FOXO3: variants seen among roughly 807,000 people sequenced by gnomAD.
FOXO3 encodes the protein forkhead box protein O3.
Under a neutral mutation model 41.9 loss-of-function variants are expected in FOXO3, and 4 were observed. That is an observed-to-expected ratio of 0.10 (90% CI 0.05 to 0.22). FOXO3 has a LOEUF of 0.22. Ranked by LOEUF, FOXO3 falls within the 10% of genes least tolerant of loss-of-function variation. The pLI, the probability that FOXO3 is intolerant of heterozygous loss-of-function variation, is 1.00. For missense variants in FOXO3, 534 were observed against 906.8 expected (o/e 0.59, Z 5.28); for synonymous variants, 318 against 389.3 (o/e 0.82, Z 2.16).
intron 1 of FOXO3, among the ~76,000 whole-genome samples, chr6:108,597,665 A>G (rs1438554208): frequency 6.6e-6 from 1 of 152,152 alleles, no homozygotes; most frequent in Non-Finnish European, 1.5e-5. Context: ...CCATGTTTTA[A>G]TATGTTTCAA....
Position 108,663,998 on chromosome 6 carries a change from G to T in FOXO3, c.1165G>T (p.Asp389Tyr). 6.2e-7 allele frequency: 1 copy of T among 1,614,114 alleles called. No homozygotes were observed. Among genetic ancestry groups the T allele is most frequent in the Non-Finnish European group, 8.5e-7 (1 of 1,180,006 alleles). ...TGGGCTGACTGAAAACCTCATGGAC[G>T]ACCTGCTGGATAACATCACGCTCCC... ...NDGLTENLMDDLLDNITLPPS... is the reference protein window; with the variant it reads ...NDGLTENLMDYLLDNITLPPS... The change falls in exon 2 of 3, where the codon GAC (aspartate) becomes TAC (tyrosine). Residue 389 changes from aspartate to tyrosine, a missense_variant. Physicochemically the swap from Asp to Tyr is radical, Grantham distance 160 (BLOSUM62 -3). Around this residue, in one of 8 missense-constraint regions of FOXO3, gnomAD observed 185 missense variants for 224.9 expected, o/e 0.82. Transcript: ENST00000406360.
In FOXO3 at chr6:108,591,250, C is replaced by T. The variant is rs1265456364; in HGVS notation, c.621+29421C>T. On this transcript the variant is annotated intron_variant, in intron 1 of 2. Coordinates refer to ENST00000406360, the MANE Select transcript of FOXO3 (RefSeq NM_001455.4). Reference sequence around the variant, plus strand: ...TGAGAATAACCAGGCCTGTTGTAGACAGCCAGCCATCCTGAAACTACTAGG... The same window carrying T: ...TGAGAATAACCAGGCCTGTTGTAGATAGCCAGCCATCCTGAAACTACTAGG... Among the ~76,000 whole-genome samples the T allele has an allele frequency of 3.3e-5, 5 of 152,346 alleles. No homozygotes were observed. In the East Asian group the frequency reaches 7.7e-4, roughly 23 times the overall value.
At chr6:108,579,994 T>C (rs1223134572) in intron 1 of FOXO3, among the ~76,000 whole-genome samples, 1 of 152,080 alleles carries the variant, frequency 6.6e-6, no homozygotes, top group Non-Finnish European at 1.5e-5. Context: ...TCTTAATTCC[T>C]CCCTGCCCAA....
At chr6:108,575,906 A>G (rs1355015882) in intron 1 of FOXO3, among the ~76,000 whole-genome samples, 1 of 152,228 alleles carries the variant, frequency 6.6e-6, no homozygotes, top group African/African-American at 2.4e-5. Flanking sequence ...CTTTAAAATA[A>G]TAATGATCAC....
At chr6:108,610,755 C>A (rs966450786) in intron 1 of FOXO3, among the ~76,000 whole-genome samples, 7 of 152,160 alleles carry the variant, frequency 4.6e-5, no homozygotes, top group Admixed American at 4.6e-4. Flanking sequence ...TTCCTATAAT[C>A]CTGCTGTTTT....
At position 108,681,221 on chromosome 6, in the gene FOXO3, C is replaced by T. The variant is rs1436859988; in HGVS notation, c.*1429C>T. ...TACATAAGAAATTGGTATAACGATG[C>T]TCTGATTAGCACAGTATATGCATAC... On this transcript the variant is annotated 3_prime_UTR_variant, in exon 3 of 3. Transcript: ENST00000406360. The T allele has an allele frequency of 6.6e-6, 1 of 152,612 alleles. No individual in the cohort carries two copies. Among genetic ancestry groups the T allele is most frequent in the Non-Finnish European group, 1.5e-5 (1 of 68,038 alleles). 9.5% of individuals were successfully genotyped at this position (152,612 alleles called of 1,614,324 possible).
chr6:108,560,684 TAAAC>T (rs1001937203), upstream of FOXO3, among the ~76,000 whole-genome samples: 12 of 151,806 alleles, frequency 7.9e-5, no homozygotes, highest in East Asian at 2.0e-4. Flanking sequence ...GAGCGAAACA[TAAAC>T]AAACGCACGC....
intron 1 of FOXO3, among the ~76,000 whole-genome samples, chr6:108,567,942 G>A (rs1326532414): frequency 1.3e-5 from 2 of 152,144 alleles, no homozygotes; most frequent in African/African-American, 4.8e-5. Context: ...CAGCTACTAG[G>A]GAGGCTGAGG....
upstream of FOXO3, chr6:108,560,901 G>T (rs1775761716): frequency 1.7e-6 from 2 of 1,160,148 alleles, no homozygotes; most frequent in Non-Finnish European, 2.2e-6. Context: ...GCTCCATCGC[G>T]GCCTGGCCGG....
At chr6:108,570,469 A>G (rs1776067684) in intron 1 of FOXO3, among the ~76,000 whole-genome samples, 2 of 152,016 alleles carry the variant, frequency 1.3e-5, no homozygotes, top group Admixed American at 1.3e-4. Flanking sequence ...GGGACTACTA[A>G]TGAGCGCCAC....
chr6:108,638,288 C>G (rs539942668), intron 1 of FOXO3, among the ~76,000 whole-genome samples: 24 of 152,334 alleles, frequency 1.6e-4, no homozygotes, highest in African/African-American at 5.8e-4. Context: ...TTAACCAGAG[C>G]TTGTCCACTT....
intron 1 of FOXO3, among the ~76,000 whole-genome samples, chr6:108,660,777 C>T (rs1217936270): frequency 5.9e-5 from 9 of 152,104 alleles, no homozygotes; most frequent in Non-Finnish European, 1.3e-4. Flanking sequence ...GAGGCCGAGG[C>T]GGGTGGGTCA....
chr6:108,679,396 A>G (rs982216337), intron 2 of FOXO3, among the ~76,000 whole-genome samples: 17 of 152,148 alleles, frequency 1.1e-4, no homozygotes, highest in African/African-American at 3.9e-4. Context: ...AGTATAACTC[A>G]TCTACTTAGG....
chr6:108,659,711 T>C (rs1778789559), intron 1 of FOXO3, among the ~76,000 whole-genome samples: 2 of 152,188 alleles, frequency 1.3e-5, no homozygotes, highest in Non-Finnish European at 1.5e-5. Flanking sequence ...GAACACCCTG[T>C]GGTTATGGCC....
At chr6:108,584,204 CAGAA>C (rs1249294282) in intron 1 of FOXO3, among the ~76,000 whole-genome samples, 1 of 152,148 alleles carries the variant, frequency 6.6e-6, no homozygotes, top group East Asian at 1.9e-4. Context: ...GATATGCAAA[CAGAA>C]AGTTGTTTTT....
intron 1 of FOXO3, among the ~76,000 whole-genome samples, chr6:108,598,300 G>A (rs1776945213): frequency 6.6e-6 from 1 of 152,026 alleles, no homozygotes; most frequent in African/African-American, 2.4e-5. Context: ...TCATCAACTT[G>A]AGTCACCTCA....
intron 1 of FOXO3, among the ~76,000 whole-genome samples, chr6:108,584,923 A>G (rs73517981): frequency 6.7e-6 from 1 of 149,822 alleles, no homozygotes; most frequent in Admixed American, 6.7e-5. Context: ...GGTAGCCTGC[A>G]CAGGGTGGTA....
chr6:108,657,579 C>T (rs192568644), intron 1 of FOXO3, among the ~76,000 whole-genome samples: 17 of 152,282 alleles, frequency 1.1e-4, no homozygotes, highest in Admixed American at 3.9e-4. Context: ...AAATCATTCT[C>T]GTTCTGTCAA....
At chr6:108,602,670 C>A (rs1238253106) in intron 1 of FOXO3, among the ~76,000 whole-genome samples, 1 of 151,796 alleles carries the variant, frequency 6.6e-6, no homozygotes, top group Non-Finnish European at 1.5e-5. Flanking sequence ...AAAAAAAAAC[C>A]TTTTATTATT....
Sources: allele counts gnomAD v4.1 joint callset (sites outside exome capture counted in the v4.1 genomes callset), GRCh38; gene constraint gnomAD v4.1.1; regional missense constraint gnomAD v4.1.1; transcripts MANE v1.5; gene names NCBI Gene and HGNC (gene_info 2026-07-23, HGNC 2026-07-21).